Variants in UBR4 observed in about 807,000 individuals in gnomAD.
UBR4 encodes E3 ubiquitin-protein ligase UBR4.
A neutral mutation model predicts 575.6 loss-of-function variants in UBR4; 124 were observed. The observed-to-expected ratio is 0.22, with a 90% CI of 0.19 to 0.25. The LOEUF (loss-of-function observed/expected upper bound fraction) is 0.25, where lower values mean the gene tolerates loss of function less well. Among genes scored for constraint, UBR4 ranks in the 10% least tolerant of loss-of-function variants. The pLI, the probability that UBR4 is intolerant of heterozygous loss-of-function variation, is 1.00. For synonymous variants in UBR4, 2,455 were observed against 2,473.7 expected, an observed-to-expected ratio of 0.99 and a Z score of 0.22; for missense variants, 4,818 against 6,478.8, an observed-to-expected ratio of 0.74 and a Z score of 8.80.
chr1:19,087,523 G>T (rs934565711), intron 99 of UBR4, among the ~76,000 whole-genome samples: 1 of 152,228 alleles, frequency 6.6e-6, no homozygotes, highest in African/African-American at 2.4e-5. Context: ...CTTTTTACAG[G>T]TTTAAATAAA....
Position 19,114,793 on chromosome 1 carries a change from G to A in UBR4, c.11202+18C>T. On this transcript the variant is annotated intron_variant, in intron 75 of 105. Transcript: ENST00000375254. ...GATCAAGGCCACAGCCCTGAGTCTA[G>A]GCCAGATCTGGCCTCACCTTCTTCC... 1 of 1,613,818 alleles carries A rather than the reference G, an allele frequency of 6.2e-7. No homozygotes were observed. Among genetic ancestry groups the A allele is most frequent in the Non-Finnish European group, 8.5e-7 (1 of 1,179,942 alleles).
rs553445468 is a variant in UBR4, at chr1:19,171,415, T to C, written c.3522-532A>G. ...GGCACGTAGCAGCCATACATATTTGTTTGGCTCAAACAAATTTGAGCCAAA... is the reference window on the plus strand; with the variant it reads ...GGCACGTAGCAGCCATACATATTTGCTTGGCTCAAACAAATTTGAGCCAAA... On this transcript the variant is annotated intron_variant, in intron 25 of 105. Coordinates refer to ENST00000375254, the MANE Select transcript of UBR4 (RefSeq NM_020765.3). Among the ~76,000 whole-genome samples the C allele has an allele frequency of 3.4e-4, 52 of 152,244 alleles. 1 individual carries two copies. In the South Asian group the frequency reaches 7.5e-3, roughly 22 times the overall value.
At position 19,190,696 on chromosome 1, in the gene UBR4, C is replaced by A. The variant is rs949037059; in HGVS notation, c.1394+1492G>T. On this transcript the variant is annotated intron_variant, in intron 11 of 105. Coordinates refer to ENST00000375254, the MANE Select transcript of UBR4 (RefSeq NM_020765.3). Reference sequence around the variant, plus strand: ...ATCTTTTTCACACCCAACATACAAGCCATCAGTAAATCCTGCCAGCTGTAC... The same window carrying A: ...ATCTTTTTCACACCCAACATACAAGACATCAGTAAATCCTGCCAGCTGTAC... 6.5e-4 allele frequency among the ~76,000 whole-genome samples: 99 copies of A among 152,166 alleles called. 1 individual carries two copies. Among genetic ancestry groups the A allele is most frequent in the African/African-American group, 2.4e-3 (98 of 41,440 alleles).
chr1:19,101,372 T>G, intron 88 of UBR4, 148 bp downstream of exon 88: 2 of 1,212,284 alleles, frequency 1.6e-6, no homozygotes, highest in South Asian at 2.5e-5. Flanking sequence ...GTTGCTTCAC[T>G]TTTATGGCGG....
At position 19,174,777 on chromosome 1, in the gene UBR4, GT is replaced by G. The variant is rs570954298; in HGVS notation, c.2853+176del. ...AGAAAGGACAAACCCCACAGCAAAA[GT>G]GCACCCAACAAATAAATATCCAAGT... On this transcript the variant is annotated intron_variant, in intron 21 of 105. Transcript: ENST00000375254. 9.9e-4 allele frequency among the ~76,000 whole-genome samples: 150 copies of G among 152,270 alleles called. 1 individual carries two copies. The highest frequency in any genetic ancestry group is 3.5e-3 in the African/African-American group (146 of 41,550).
At chr1:19,132,605 T>TAAAAAAAAAAAAA in intron 60 of UBR4, among the ~76,000 whole-genome samples, 1 of 24,132 alleles carries the variant, frequency 4.1e-5, no homozygotes, top group Non-Finnish European at 7.6e-5. Context: ...TAAAAAATGG[T>TAAAAAAAAAAAAA]AAAAAAAAAA....
chr1:19,120,431 G>C (rs549766107), intron 68 of UBR4, 83 bp from the exon 69 acceptor site: 39 of 1,493,086 alleles, frequency 2.6e-5, no homozygotes, highest in Admixed American at 1.1e-4. Context: ...CAAATGGTGA[G>C]GGAGGGAATT....
chr1:19,074,577 G>A lies in UBR4; in HGVS notation c.*255C>T. 1.9e-6 allele frequency: 1 copy of A among 538,890 alleles called. No homozygotes were observed. The highest frequency in any genetic ancestry group is 3.4e-6 in the Non-Finnish European group (1 of 298,164). The allele number at this position is 538,890 out of a possible 1,614,324, so 33.4% of individuals were successfully genotyped here. A position where few individuals can be genotyped will look rare whatever the true frequency, so the allele number is the denominator to read the frequency against. On this transcript the variant is annotated 3_prime_UTR_variant, in exon 106 of 106. Transcript: ENST00000375254. ...GCACACTCAAGTATGAAGCTGGCCG[G>A]GACAACTCATGGCTCCTAGGTATGT...
intron 1 of UBR4, among the ~76,000 whole-genome samples, chr1:19,202,640 G>T (rs1015459826): frequency 2.0e-5 from 3 of 152,048 alleles, no homozygotes; most frequent in African/African-American, 7.2e-5. Context: ...AAAAGAGTCG[G>T]TGATTTTTTT....
intron 23 of UBR4, 24 bp from the exon 24 acceptor site, chr1:19,173,330 G>A (rs1380770125): frequency 6.2e-7 from 1 of 1,613,748 alleles, no homozygotes; most frequent in African/African-American, 1.3e-5. Flanking sequence ...AAGAAAAAGT[G>A]TTTAGGAGAT....
Position 19,100,974 on chromosome 1 carries a change from G to A in UBR4, c.13024-401C>T, listed in dbSNP as rs1394920149. Among the ~76,000 whole-genome samples, 2 of 151,972 alleles carry A rather than the reference G, an allele frequency of 1.3e-5. No individual in the cohort carries two copies. Among genetic ancestry groups the A allele is most frequent in the African/African-American group, 4.8e-5 (2 of 41,326 alleles). On this transcript the variant is annotated intron_variant, in intron 88 of 105. Transcript: ENST00000375254. This position sits in a 1 kb window ranked among gnomAD's most constrained non-coding sequence, Gnocchi z 4.2. ...CTGATGACCCTGAAGTCAAGAAAAG[G>A]GCTTCTCTATGGGACATGACACTCA...
intron 94 of UBR4, 119 bp downstream of exon 94, chr1:19,094,787 G>T: frequency 1.4e-6 from 2 of 1,381,072 alleles, no homozygotes; most frequent in Non-Finnish European, 2.0e-6. Flanking sequence ...ACATTCCAAT[G>T]CTTAAGCAGG....
intron 81 of UBR4, among the ~76,000 whole-genome samples, chr1:19,108,397 G>A (rs2079466634): frequency 6.6e-6 from 1 of 152,000 alleles, no homozygotes; most frequent in Non-Finnish European, 1.5e-5. Context: ...TTTTTTTCAA[G>A]CACAAGCGGA....
intron 29 of UBR4, 40 bp downstream of exon 29, chr1:19,166,982 G>A: frequency 6.2e-7 from 1 of 1,603,254 alleles, no homozygotes; most frequent in Non-Finnish European, 8.5e-7. Flanking sequence ...GATAGCAGCA[G>A]TAGGTCATAG....
rs776903531 is a variant in UBR4 at position 19,141,431 on chromosome 1, G to A, written c.8404C>T (p.Pro2802Ser). 4 of 1,614,236 alleles carry A rather than the reference G, an allele frequency of 2.5e-6. No individual in the cohort carries two copies. The highest frequency in any genetic ancestry group is 3.4e-6 in the Non-Finnish European group (4 of 1,180,032). The change falls in exon 57 of 106, where the codon CCC (proline) becomes TCC (serine). Residue 2802 changes from proline (P) to serine (S), a missense_variant. By Grantham distance (74) the Pro-to-Ser change is moderately conservative (BLOSUM62 -1). This residue lies in a region of UBR4 where 129 missense variants were observed against 198.4 expected (regional missense o/e 0.65). Transcript: ENST00000375254. ...GCATCAGGTGGGATGTCCAGCATGG[G>A]GGGGAAGCCCTCTGCGCCTGCCAGC... ...ALLAGAEGFP[P>S]MLDIPPDADD... is the part of the protein sequence containing the mutation.
In UBR4 at chr1:19,169,521, C is replaced by G; in HGVS notation, c.3655G>C (p.Val1219Leu). The G allele has an allele frequency of 6.2e-7, 1 of 1,613,604 alleles. No individual in the cohort carries two copies. Among genetic ancestry groups the G allele is most frequent in the Non-Finnish European group, 8.5e-7 (1 of 1,179,828 alleles). The change falls in exon 27 of 106, where the codon GTT (valine) becomes CTT (leucine). Residue 1219 changes from valine (V) to leucine (L), a missense_variant. Transcript: ENST00000375254. ...CKANTLGPTL[V>L]QNLPSSVQTV... ...TGCACTGACGATGGCAAATTCTGAA[C>G]CAGTGTCGGACCTGGAGGCGACAGA...
chr1:19,175,074 T>A, intron 20 of UBR4, 41 bp from the exon 21 acceptor site: 1 of 1,551,152 alleles, frequency 6.4e-7, no homozygotes, highest in Non-Finnish European at 8.9e-7. Context: ...GTTCCATTCT[T>A]AACTCTATCT....
intron 20 of UBR4, among the ~76,000 whole-genome samples, chr1:19,176,172 T>C (rs2090240159): frequency 6.6e-6 from 1 of 151,856 alleles, no homozygotes; most frequent in Non-Finnish European, 1.5e-5. Context: ...CACTGCAACC[T>C]CTGCTTCCTG....
Position 19,081,472 on chromosome 1 carries a change from T to C in UBR4, c.15110A>G (p.Tyr5037Cys), listed in dbSNP as rs747436535. 2 of 1,613,664 alleles carry C rather than the reference T, an allele frequency of 1.2e-6. No individual in the cohort carries two copies. The highest frequency in any genetic ancestry group is 1.7e-6 in the Non-Finnish European group (2 of 1,179,964). ...GATGTGAAGGGCCAAGACTGTGAAA[T>C]AGTAGGGCCCGTCCACTTCAAAGGC... ...ESAFEVDGPY[Y>C]FTVLALHILP... The change falls in exon 103 of 106, where the codon TAT (tyrosine) becomes TGT (cysteine). Residue 5037 changes from tyrosine (Y) to cysteine (C), a missense_variant. Physicochemically the swap from Tyr to Cys is radical, Grantham distance 194. Around this residue, in one of 29 missense-constraint regions of UBR4, gnomAD observed 212 missense variants for 221.3 expected, o/e 0.96. Transcript: ENST00000375254.
Sources: gnomAD v4.1 joint callset for allele counts (sites outside exome capture counted in the v4.1 genomes callset) on GRCh38, gnomAD v4.1.1 for gene constraint, gnomAD v4.1.1 regional missense constraint, Gnocchi (gnomAD v3.1) non-coding constraint, MANE v1.5 for transcripts, NCBI Gene and HGNC (gene_info 2026-07-23, HGNC 2026-07-21) for gene names.